The following ZNF418 variants were observed in gnomAD, a reference collection of about 807,000 sequenced individuals.
ZNF418 encodes zinc finger protein 418.
A neutral mutation model predicts 32.0 loss-of-function variants in ZNF418; 32 were observed. The observed-to-expected ratio is 1.00, with a 90% CI of 0.75 to 1.34. The LOEUF (loss-of-function observed/expected upper bound fraction) is 1.34, where lower values mean the gene tolerates loss of function less well. Among genes scored for constraint, ZNF418 ranks in the 40% most tolerant of loss-of-function variants. The probability of loss-of-function intolerance (pLI) is 0.00; values close to 1 mark genes in which losing one functional copy is unlikely to be tolerated. For missense variants in ZNF418, 804 were observed against 812.5 expected, an observed-to-expected ratio of 0.99 and a Z score of 0.13; for synonymous variants, 276 against 270.7, an observed-to-expected ratio of 1.02 and a Z score of -0.19.
rs1490152944 is a variant in ZNF418 at position 57,926,711 on chromosome 19, T to C, written c.1470A>G (p.Ser490=). The C allele has an allele frequency of 6.2e-7, 1 of 1,614,068 alleles. No individual in the cohort carries two copies. The highest frequency in any genetic ancestry group is 1.1e-5 in the South Asian group (1 of 91,086). Reference sequence around the variant, plus strand: ...CACGAAACCCAGAGCTGTCTTGAAATGATTTCCCACATTCATTACATTCAT... The same window carrying C: ...CACGAAACCCAGAGCTGTCTTGAAACGATTTCCCACATTCATTACATTCAT... The part of the protein sequence containing the change: ...RPYECNECGK[S]FQDSSGFRVH... The change falls in exon 4 of 6, where the codon TCA becomes TCG. Residue 490 remains serine, a synonymous_variant. Coordinates refer to ENST00000396147, the MANE Select transcript of ZNF418 (RefSeq NM_133460.3).
At position 57,927,682 on chromosome 19, in the gene ZNF418, C is replaced by T. The variant is rs1341764347; in HGVS notation, c.499G>A (p.Asp167Asn). ...ESSIFIQSGK[D>N]FLPSSGLLLQ... is the part of the protein sequence containing the mutation. Reference sequence around the variant, plus strand: ...AGTAATCCTGAGCTGGGCAAAAAGTCCTTTCCACTCTGAATGAAGATAGAT... The same window carrying T: ...AGTAATCCTGAGCTGGGCAAAAAGTTCTTTCCACTCTGAATGAAGATAGAT... The change falls in exon 4 of 6, where the codon GAC becomes AAC. Residue 167 changes from aspartate (D) to asparagine (N), a missense_variant. Around this residue, in one of 3 missense-constraint regions of ZNF418, gnomAD observed 307 missense variants for 304.9 expected, o/e 1.01. Coordinates refer to ENST00000396147, the MANE Select transcript of ZNF418 (RefSeq NM_133460.3). 1 of 1,614,070 alleles carries T rather than the reference C, an allele frequency of 6.2e-7. No individual in the cohort carries two copies. The highest frequency in any genetic ancestry group is 2.2e-5 in the East Asian group (1 of 44,898).
chr19:57,931,799 C>T (rs894747201), intron 2 of ZNF418, among the ~76,000 whole-genome samples: 4 of 152,118 alleles, frequency 2.6e-5, no homozygotes, highest in Non-Finnish European at 5.9e-5. Context: ...TGATCTCAAA[C>T]TCCTGGCCTC....
intron 1 of ZNF418, 169 bp downstream of exon 1, chr19:57,934,992 C>T: frequency 7.0e-7 from 1 of 1,428,254 alleles, no homozygotes; most frequent in Non-Finnish European, 9.2e-7. Flanking sequence ...GTGCCTGTCG[C>T]TCTCCCCACC....
At chr19:57,929,971 A>G (rs2072415471) in intron 3 of ZNF418, among the ~76,000 whole-genome samples, 1 of 152,198 alleles carries the variant, frequency 6.6e-6, no homozygotes, top group South Asian at 2.1e-4. Flanking sequence ...GGCGTGAGCC[A>G]CCGCACCCGG....
rs926852378 is a variant in ZNF418 at position 57,934,985 on chromosome 19, C to T, written c.-81+176G>A. ...GCCATAGCCCGCGCCGGTCCCTGTG[C>T]CTGTCGCTCTCCCCACCGCATCCCA... is the stretch of plus-strand genomic sequence containing the variant. On this transcript the variant is annotated intron_variant, in intron 1 of 5. Transcript: ENST00000396147. 2.8e-6 allele frequency: 4 copies of T among 1,425,326 alleles called. No homozygotes were observed. In the African/African-American group the frequency reaches 5.8e-5, roughly 21 times the overall value. The allele number at this position is 1,425,326 out of a possible 1,614,324, so 88.3% of individuals were successfully genotyped here.
In ZNF418 at chr19:57,922,641, G is replaced by C; in HGVS notation, c.*626-12C>G. 2 of 398,458 alleles carry C rather than the reference G, an allele frequency of 5.0e-6. No individual in the cohort carries two copies. The highest frequency in any genetic ancestry group is 8.8e-6 in the Non-Finnish European group (2 of 226,014). 24.7% of individuals were successfully genotyped at this position (398,458 alleles called of 1,614,324 possible). On this transcript the variant is annotated splice_polypyrimidine_tract_variant and intron_variant, in intron 5 of 5. Transcript: ENST00000396147. ...TGCCCTTGAGATCCCTGAAAAGAAA[G>C]AAAATTCAGTTATACATTTGATACT...
intron 1 of ZNF418, chr19:57,934,259 CTT>C: frequency 1.2e-5 from 12 of 1,025,606 alleles, no homozygotes; most frequent in Non-Finnish European, 1.4e-5. Context: ...GAGTTTCGCT[CTT>C]GTTGCCCAGG....
Position 57,925,943 on chromosome 19 carries a change from T to C in ZNF418, c.*207A>G. On this transcript the variant is annotated 3_prime_UTR_variant, in exon 4 of 6. Transcript: ENST00000396147. ...TTTTCCTTATGAGAACAATCTGTTA[T>C]CCAATGACAGAAGGCAGAAGGCTTT... 1 of 571,324 alleles carries C rather than the reference T, an allele frequency of 1.8e-6. No homozygotes were observed. Among genetic ancestry groups the C allele is most frequent in the Non-Finnish European group, 3.1e-6 (1 of 322,700 alleles). 35.4% of individuals were successfully genotyped at this position (571,324 alleles called of 1,614,324 possible). A position where few individuals can be genotyped will look rare whatever the true frequency, so the allele number is the denominator to read the frequency against.
chr19:57,933,317 C>T (rs575830801), intron 2 of ZNF418, among the ~76,000 whole-genome samples: 113 of 151,946 alleles, frequency 7.4e-4, no homozygotes, highest in African/African-American at 2.7e-3. Flanking sequence ...TGGTGGCTCA[C>T]GCCTGTAATC....
At chr19:57,923,388 C>A (rs1480138501) in intron 4 of ZNF418, 99 bp from the exon 5 acceptor site, 1 of 149,050 alleles carries the variant, frequency 6.7e-6, no homozygotes, top group Non-Finnish European at 1.5e-5. Flanking sequence ...ACTTACCTAA[C>A]CCATTTATGC....
Position 57,927,015 on chromosome 19 carries a change from T to C in ZNF418, c.1166A>G (p.His389Arg), listed in dbSNP as rs756019549. The C allele has an allele frequency of 1.2e-6, 2 of 1,614,210 alleles. No individual in the cohort carries two copies. The highest frequency in any genetic ancestry group is 4.5e-5 in the East Asian group (2 of 44,878). ...FSQKGTLTEH[H>R]RVHTRERPYE... ...AGGTCGTTCTCTAGTGTGAACTCGATGATGTTCAGTTAGGGTGCCCTTTTG... is the reference window on the plus strand; with the variant it reads ...AGGTCGTTCTCTAGTGTGAACTCGACGATGTTCAGTTAGGGTGCCCTTTTG... Residue 389 changes from histidine (H) to arginine (R), a missense_variant, in exon 4 of 6, where the codon CAT becomes CGT. By Grantham distance (29) the His-to-Arg change is conservative. Coordinates refer to ENST00000396147, the MANE Select transcript of ZNF418 (RefSeq NM_133460.3).
chr19:57,933,887 T>C lies in ZNF418; in HGVS notation c.-65A>G, dbSNP rs1427672613. 2.5e-6 allele frequency: 4 copies of C among 1,613,674 alleles called. No individual in the cohort carries two copies. The highest frequency in any genetic ancestry group is 3.4e-6 in the Non-Finnish European group (4 of 1,180,020). ...CTCAAACACAGTGTGTTCTCTTCTT[T>C]GCAGCCAGATGATGCCTGCAGACAA... On this transcript the variant is annotated 5_prime_UTR_variant, in exon 2 of 6. Transcript: ENST00000396147.
At chr19:57,933,494 C>T (rs1284286875) in intron 2 of ZNF418, among the ~76,000 whole-genome samples, 3 of 151,828 alleles carry the variant, frequency 2.0e-5, no homozygotes, top group Admixed American at 6.6e-5. Flanking sequence ...AGGCCGAGGC[C>T]GATGGATCAC....
Position 57,927,613 on chromosome 19 carries a change from G to A in ZNF418, c.568C>T (p.Pro190Ser), listed in dbSNP as rs369864801. 1.2e-5 allele frequency: 19 copies of A among 1,614,044 alleles called. No individual in the cohort carries two copies. The African/African-American group carries it at 1.9e-4, about 16-fold the overall frequency. ...THTGEKSNSK[P>S]ECESPFQWGD... The stretch of plus-strand genomic sequence containing the variant: ...CACTGAAAGGGAGACTCACACTCAG[G>A]TTTGCTGTTTGACTTCTCCCCAGTG... Residue 190 changes from proline to serine, a missense_variant, in exon 4 of 6, where the codon CCT (proline) becomes TCT (serine). By Grantham distance (74) the Pro-to-Ser change is moderately conservative. Around this residue, in one of 3 missense-constraint regions of ZNF418, gnomAD observed 307 missense variants for 304.9 expected, o/e 1.01. Transcript: ENST00000396147.
At position 57,926,736 on chromosome 19, in the gene ZNF418, T is replaced by C; in HGVS notation, c.1445A>G (p.Tyr482Cys). The C allele has an allele frequency of 6.2e-7, 1 of 1,614,198 alleles. No individual in the cohort carries two copies. The highest frequency in any genetic ancestry group is 8.5e-7 in the Non-Finnish European group (1 of 1,180,044). The part of the protein sequence containing the change: ...HQRVHTGERP[Y>C]ECNECGKSFQ... ...TGATTTCCCACATTCATTACATTCA[T>C]ATGGCCTTTCTCCAGTGTGAACTCT... The change falls in exon 4 of 6, where the codon TAT becomes TGT. Residue 482 changes from tyrosine (Y) to cysteine (C), a missense_variant. Tyr to Cys is a radical substitution (Grantham distance 194, BLOSUM62 -2). Around this residue, in one of 3 missense-constraint regions of ZNF418, gnomAD observed 475 missense variants for 458.6 expected, o/e 1.04. Transcript: ENST00000396147.
chr19:57,935,198 A>G lies in ZNF418; in HGVS notation c.-118T>C. On this transcript the variant is annotated 5_prime_UTR_variant, in exon 1 of 6. Coordinates refer to ENST00000396147, the MANE Select transcript of ZNF418 (RefSeq NM_133460.3). The stretch of plus-strand genomic sequence containing the variant: ...CCTCAGCGCGGCCGCCGCCATCCCG[A>G]GTACGCGGGGAAAGCACTGCCGGGA... The G allele has an allele frequency of 7.7e-7, 1 of 1,299,824 alleles. No homozygotes were observed. Among genetic ancestry groups the G allele is most frequent in the Non-Finnish European group, 1.0e-6 (1 of 1,004,518 alleles). The allele number at this position is 1,299,824 out of a possible 1,614,324, so 80.5% of individuals were successfully genotyped here. A position where few individuals can be genotyped will look rare whatever the true frequency, so the allele number is the denominator to read the frequency against.
chr19:57,931,209 T>C (rs58560645), intron 2 of ZNF418, among the ~76,000 whole-genome samples: 4,629 of 152,038 alleles, frequency 0.03, 246 homozygotes, highest in African/African-American at 0.11. Flanking sequence ...CACATCCTTC[T>C]TTTTTTTCTG....
At position 57,933,865 on chromosome 19, in the gene ZNF418, A is replaced by AG; in HGVS notation, c.-44_-43insC. On this transcript the variant is annotated 5_prime_UTR_variant, in exon 2 of 6. An upstream open reading frame in the 5' UTR gains an earlier in-frame stop. Transcript: ENST00000396147. The stretch of plus-strand genomic sequence containing the variant: ...CTCTGATCCTCCTTCCTCCTCCCTC[A>AG]AACACAGTGTGTTCTCTTCTTTGCA... The AG allele has an allele frequency of 1.9e-6, 3 of 1,614,016 alleles. No homozygotes were observed. The highest frequency in any genetic ancestry group is 3.3e-4 in the Middle Eastern group (2 of 6,062).
rs752757597 is a variant in ZNF418 at position 57,928,040 on chromosome 19, C to T, written c.141G>A (p.Trp47Ter). 9.2e-6 allele frequency: 14 copies of T among 1,529,230 alleles called. No individual in the cohort carries two copies. The highest frequency in any genetic ancestry group is 2.1e-5 in the Admixed American group (1 of 48,018). 94.7% of individuals were successfully genotyped at this position (1,529,230 alleles called of 1,614,324 possible). The change falls in exon 4 of 6, where the codon TGG becomes TGA. Residue 47 changes from tryptophan to a stop codon, truncating the protein, a stop_gained. Transcript: ENST00000396147. LOFTEE classifies it high-confidence loss of function. Reference sequence around the variant, plus strand: ...GTGCCTCCTCATCTTCTGATCCACACCAACAACCTGAAAGCAAGAAAATGC... The same window carrying T: ...GTGCCTCCTCATCTTCTGATCCACATCAACAACCTGAAAGCAAGAAAATGC... The part of the protein sequence containing the change: ...NWVLISSLGC[W>*]CGSEDEEAPS...
Sources: allele counts gnomAD v4.1 joint callset (sites outside exome capture counted in the v4.1 genomes callset), GRCh38; gene constraint gnomAD v4.1.1; regional missense constraint gnomAD v4.1.1; transcripts MANE v1.5; gene names NCBI Gene and HGNC (gene_info 2026-07-23, HGNC 2026-07-21).